SLC1A6: variants seen among roughly 807,000 people sequenced by gnomAD.
SLC1A6 encodes the protein solute carrier family 1 member 6.
Under a neutral mutation model 42.1 loss-of-function variants are expected in SLC1A6, and 15 were observed. That is an observed-to-expected ratio of 0.36 (90% CI 0.24 to 0.55). The LOEUF is 0.55. SLC1A6 is among the 20% of genes least tolerant of loss of function. The pLI, the probability that SLC1A6 is intolerant of heterozygous loss-of-function variation, is 0.88. For synonymous variants in SLC1A6, 317 were observed against 319.7 expected, an observed-to-expected ratio of 0.99 and a Z score of 0.09; for missense variants, 542 against 772.5, an observed-to-expected ratio of 0.70 and a Z score of 3.54.
At chr19:14,987,777 GC>G (rs1397030124) in intron 1 of SLC1A6, among the ~76,000 whole-genome samples, 14 of 152,144 alleles carry the variant, frequency 9.2e-5, no homozygotes, top group Non-Finnish European at 1.3e-4. Flanking sequence ...CTCAAACCAT[GC>G]CCAGCTAGAA....
chr19:14,995,872 C>T (rs565404996), intron 1 of SLC1A6, among the ~76,000 whole-genome samples: 1 of 152,068 alleles, frequency 6.6e-6, no homozygotes, highest in Non-Finnish European at 1.5e-5. Context: ...GATCCAGGAG[C>T]TAGGTTACCC....
intron 6 of SLC1A6, among the ~76,000 whole-genome samples, chr19:14,959,000 AAT>A (rs2045486580): frequency 6.6e-6 from 1 of 152,222 alleles, no homozygotes; most frequent in Non-Finnish European, 1.5e-5. Flanking sequence ...AAGTGTTAAA[AAT>A]AGTTTCTTTT....
chr19:14,984,163 G>A (rs767320303), upstream of SLC1A6, among the ~76,000 whole-genome samples: 8 of 152,050 alleles, frequency 5.3e-5, no homozygotes, highest in Non-Finnish European at 1.2e-4. Context: ...TACAAAATTA[G>A]CCAGGTATGG....
At chr19:14,963,142 G>A (rs1336865505) in intron 5 of SLC1A6, among the ~76,000 whole-genome samples, 2 of 152,212 alleles carry the variant, frequency 1.3e-5, no homozygotes, top group Non-Finnish European at 2.9e-5. Flanking sequence ...AGGGGATCCT[G>A]TCATTTGTGA....
At chr19:14,955,645 A>G (rs1217474628) in intron 7 of SLC1A6, among the ~76,000 whole-genome samples, 1 of 151,136 alleles carries the variant, frequency 6.6e-6, no homozygotes, top group Admixed American at 6.6e-5. Flanking sequence ...GAAAAAAAAG[A>G]TATTTTTGGC....
chr19:15,007,586 T>C (rs4808829), intron 1 of SLC1A6, among the ~76,000 whole-genome samples: 59,716 of 151,928 alleles, frequency 0.39, 12,753 homozygotes, highest in East Asian at 0.56. Context: ...TCATAGCATG[T>C]GATTGATTCC....
chr19:14,952,951 G>A lies in SLC1A6; in HGVS notation c.1476C>T (p.Leu492=). Residue 492 remains leucine, a synonymous_variant, in exon 9 of 10, where the codon CTC becomes CTT. Coordinates refer to ENST00000594383, the MANE Select transcript of SLC1A6 (RefSeq NM_005071.3). Reference sequence around the variant, plus strand: ...ACAGGAACCAGTCCACGGCAATGATGAGCGTGATGTCTTCCGTGGGCAAGC... The same window carrying A: ...ACAGGAACCAGTCCACGGCAATGATAAGCGTGATGTCTTCCGTGGGCAAGC... The part of the protein sequence containing the change: ...SVGLPTEDIT[L]IIAVDWFLDR... 1 of 1,613,988 alleles carries A rather than the reference G, an allele frequency of 6.2e-7. No homozygotes were observed. The highest frequency in any genetic ancestry group is 8.5e-7 in the Non-Finnish European group (1 of 1,179,922).
chr19:14,960,780 T>C (rs1483721454), intron 6 of SLC1A6, among the ~76,000 whole-genome samples: 10 of 152,060 alleles, frequency 6.6e-5, no homozygotes. Flanking sequence ...GAAAGGGAGA[T>C]TGGGGAGATG....
intron 1 of SLC1A6, among the ~76,000 whole-genome samples, chr19:14,993,935 T>C (rs2045832859): frequency 6.6e-6 from 1 of 152,100 alleles, no homozygotes; most frequent in Admixed American, 6.5e-5. Context: ...AGCTGAGCAC[T>C]TGCAACAGAA....
At chr19:14,964,477 C>T in intron 4 of SLC1A6, 116 bp from the exon 5 acceptor site, 3 of 826,892 alleles carry the variant, frequency 3.6e-6, no homozygotes, top group East Asian at 2.5e-5. Flanking sequence ...TGAATGCTTC[C>T]TCTAGGCTGG....
intron 1 of SLC1A6, among the ~76,000 whole-genome samples, chr19:15,004,113 A>G (rs1441238930): frequency 6.6e-6 from 1 of 152,102 alleles, no homozygotes; most frequent in Non-Finnish European, 1.5e-5. Context: ...CCAAGATCAC[A>G]CCACTGCACT....
intron 1 of SLC1A6, among the ~76,000 whole-genome samples, chr19:14,993,283 C>T (rs1347200238): frequency 1.3e-5 from 2 of 151,624 alleles, no homozygotes; most frequent in South Asian, 2.1e-4. Context: ...GGGCTGGAGT[C>T]GGGGGGCAAT....
intron 2 of SLC1A6, 24 bp from the exon 3 acceptor site, chr19:14,971,898 T>G: frequency 3.7e-6 from 6 of 1,613,134 alleles, no homozygotes; most frequent in Non-Finnish European, 5.1e-6. Context: ...AAGGGGTCCA[T>G]GGACTGAAGT....
At position 14,964,219 on chromosome 19, in the gene SLC1A6, A is replaced by G. The variant is rs899107657; in HGVS notation, c.591+100T>C. On this transcript the variant is annotated intron_variant, in intron 5 of 9. Transcript: ENST00000594383. ...AAGAACCCCTGCCCATTGCTCTGTC[A>G]GGCCCTTCCTCCCGCCTCTTGCCCT... 8 of 951,142 alleles carry G rather than the reference A, an allele frequency of 8.4e-6. No individual in the cohort carries two copies. The East Asian group carries it at 1.9e-4, about 23-fold the overall frequency. The allele number at this position is 951,142 out of a possible 1,614,324, so 58.9% of individuals were successfully genotyped here. A position where few individuals can be genotyped will look rare whatever the true frequency, so the allele number is the denominator to read the frequency against.
chr19:14,972,698 G>C lies in SLC1A6; in HGVS notation c.205+8C>G. ...TGAAGTCCCCGCCCTCCAAGAGGCAGAGCTCACCAATGACCACGGCGCTGA... is the reference window on the plus strand; with the variant it reads ...TGAAGTCCCCGCCCTCCAAGAGGCACAGCTCACCAATGACCACGGCGCTGA... On this transcript the variant is annotated splice_region_variant and intron_variant, in intron 2 of 9. Transcript: ENST00000594383. The C allele has an allele frequency of 6.2e-7, 1 of 1,612,744 alleles. No homozygotes were observed. The highest frequency in any genetic ancestry group is 8.5e-7 in the Non-Finnish European group (1 of 1,179,078).
At chr19:15,001,535 G>A (rs1386226756) in intron 1 of SLC1A6, among the ~76,000 whole-genome samples, 1 of 152,202 alleles carries the variant, frequency 6.6e-6, no homozygotes, top group East Asian at 1.9e-4. Flanking sequence ...TGGAAGGAAA[G>A]GTGGGATGGG....
chr19:14,954,239 G>T lies in SLC1A6; in HGVS notation c.1260C>A (p.Ala420=), dbSNP rs184098661. The change falls in exon 8 of 10, where the codon GCC becomes GCA. Residue 420 remains alanine (A), a synonymous_variant. Coordinates refer to ENST00000594383, the MANE Select transcript of SLC1A6 (RefSeq NM_005071.3). ...RITRFVLPVG[A]TVNMDGTALY... is the part of the protein sequence containing the mutation. ...GGGCAGTGCCATCCATGTTGACCGT[G>T]GCGCCCACGGGCAGGACGAACCTGG... 4.8e-5 allele frequency: 78 copies of T among 1,614,174 alleles called. 2 individuals carry two copies. In the East Asian group the frequency reaches 1.7e-3, roughly 35 times the overall value.
chr19:14,975,881 G>GGAAA (rs149220879), intron 1 of SLC1A6, among the ~76,000 whole-genome samples: 1 of 136,288 alleles, frequency 7.3e-6, no homozygotes, highest in Non-Finnish European at 1.6e-5. Context: ...AAAGGGAAGG[G>GGAAA]AAGGGAAGGG....
intron 1 of SLC1A6, among the ~76,000 whole-genome samples, chr19:15,008,579 A>T (rs2045907772): frequency 6.6e-6 from 1 of 152,166 alleles, no homozygotes; most frequent in South Asian, 2.1e-4. Flanking sequence ...AGGAAGAGAA[A>T]TCATTATATT....
Sources: allele counts gnomAD v4.1 joint callset (sites outside exome capture counted in the v4.1 genomes callset), GRCh38; gene constraint gnomAD v4.1.1; transcripts MANE v1.5; gene names NCBI Gene and HGNC (gene_info 2026-07-23, HGNC 2026-07-21).